The following MEMO1 variants were observed in gnomAD, a reference collection of about 807,000 sequenced individuals.
MEMO1 encodes the protein protein MEMO1.
Under a neutral mutation model 45.2 loss-of-function variants are expected in MEMO1, and 6 were observed. The ratio of observed to expected loss-of-function variants is 0.13; its 90% confidence interval spans 0.07 to 0.26. The LOEUF (loss-of-function observed/expected upper bound fraction) is 0.26. Ranked by LOEUF, MEMO1 falls within the 10% of genes least tolerant of loss-of-function variation. The probability of loss-of-function intolerance (pLI) is 1.00; values close to 1 mark genes in which losing one functional copy is unlikely to be tolerated. For synonymous variants in MEMO1, 78 were observed against 124.3 expected (o/e 0.63, Z 2.48); for missense variants, 184 against 370.5 (o/e 0.50, Z 4.13).
chr2:31,952,064 C>T (rs1572788575), intron 2 of MEMO1, among the ~76,000 whole-genome samples: 1 of 152,116 alleles, frequency 6.6e-6, no homozygotes, highest in Non-Finnish European at 1.5e-5. Context: ...AGTGCAAGAA[C>T]TGTCACAGCA....
At chr2:31,988,147 G>A (rs1671498522) in intron 2 of MEMO1, among the ~76,000 whole-genome samples, 1 of 152,090 alleles carries the variant, frequency 6.6e-6, no homozygotes, top group Non-Finnish European at 1.5e-5. Flanking sequence ...CATACCAGAA[G>A]TCTGCAGGAC....
intron 2 of MEMO1, among the ~76,000 whole-genome samples, chr2:31,988,931 G>A (rs759070579): frequency 6.6e-6 from 1 of 152,118 alleles, no homozygotes; most frequent in Non-Finnish European, 1.5e-5. Context: ...GGGCAGCCAG[G>A]CATGGTGGCT....
intron 6 of MEMO1, among the ~76,000 whole-genome samples, chr2:31,912,545 G>C (rs1180372960): frequency 2.8e-5 from 4 of 143,452 alleles, no homozygotes; most frequent in Non-Finnish European, 6.1e-5. Context: ...AATTATAATA[G>C]TAAAATTTAT....
At chr2:31,985,748 C>T (rs994775469) in intron 2 of MEMO1, among the ~76,000 whole-genome samples, 1 of 152,210 alleles carries the variant, frequency 6.6e-6, no homozygotes, top group African/African-American at 2.4e-5. Flanking sequence ...CAATTTTATA[C>T]ACCAGAAGTC....
chr2:31,910,882 G>C (rs1228036313), intron 6 of MEMO1, among the ~76,000 whole-genome samples: 1 of 151,846 alleles, frequency 6.6e-6, no homozygotes, highest in Non-Finnish European at 1.5e-5. Context: ...AATAAAGAAA[G>C]TTGTAAATTA....
chr2:31,890,588 C>G lies in MEMO1; in HGVS notation c.580+1404G>C, dbSNP rs566097362. Among the ~76,000 whole-genome samples the G allele has an allele frequency of 1.5e-4, 23 of 151,942 alleles. 2 individuals are homozygous for G. In the South Asian group the frequency reaches 4.6e-3, roughly 30 times the overall value. Reference sequence around the variant, plus strand: ...CCAATAAAATCAGTAATTAAAGAACCCTGAATATTAAAAACAGATTTAAAA... The same window carrying G: ...CCAATAAAATCAGTAATTAAAGAACGCTGAATATTAAAAACAGATTTAAAA... On this transcript the variant is annotated intron_variant, in intron 7 of 9. Transcript: ENST00000404530.
chr2:31,931,581 G>T (rs1221390913), intron 4 of MEMO1, among the ~76,000 whole-genome samples: 1 of 151,718 alleles, frequency 6.6e-6, no homozygotes, highest in Non-Finnish European at 1.5e-5. Flanking sequence ...TTTCAGAGCT[G>T]TCATTGAATT....
intron 2 of MEMO1, among the ~76,000 whole-genome samples, chr2:31,968,593 C>A (rs1280940761): frequency 2.6e-5 from 4 of 152,154 alleles, no homozygotes; most frequent in Non-Finnish European, 5.9e-5. Context: ...CAAGAAGTGT[C>A]AGATTAATTA....
At chr2:31,897,123 T>C (rs567311387) in intron 6 of MEMO1, among the ~76,000 whole-genome samples, 12 of 152,350 alleles carry the variant, frequency 7.9e-5, no homozygotes, top group African/African-American at 2.9e-4. Flanking sequence ...GATTTTAGGC[T>C]GAGACAATGG....
intron 2 of MEMO1, among the ~76,000 whole-genome samples, chr2:31,982,732 G>A (rs1194077600): frequency 6.6e-6 from 1 of 151,766 alleles, no homozygotes; most frequent in Non-Finnish European, 1.5e-5. Context: ...TGGTAAATTT[G>A]TTTCAAACAG....
intron 2 of MEMO1, among the ~76,000 whole-genome samples, chr2:31,959,390 G>A (rs957415373): frequency 2.0e-5 from 3 of 151,864 alleles, no homozygotes; most frequent in Non-Finnish European, 4.4e-5. Context: ...GAAAAGAGGT[G>A]CAGCTCAAGA....
intron 3 of MEMO1, among the ~76,000 whole-genome samples, chr2:31,933,346 A>ATATATATATATATATATAT (rs869211483): frequency 7.8e-5 from 2 of 25,518 alleles, no homozygotes; most frequent in African/African-American, 3.2e-4. Context: ...AAAAAAAAAA[A>ATATATATATATATATATAT]AAATTTATAT....
chr2:31,913,521 T>TG (rs945500400), intron 6 of MEMO1, among the ~76,000 whole-genome samples: 16 of 150,942 alleles, frequency 1.1e-4, no homozygotes, highest in African/African-American at 3.9e-4. Flanking sequence ...TTAAGAGTTT[T>TG]TTTTTTTTTT....
rs1386710458 is a variant in MEMO1 at position 31,933,370 on chromosome 2, TATATATATATATAG to T, written c.144-1249_144-1236del. Reference sequence around the variant, plus strand: ...AAAAATTTATATATATATATATATATATATATATATATAGAAAGGGGAAGAGAGGGGAAAAAGAG... The same window carrying T: ...AAAAATTTATATATATATATATATATAAAGGGGAAGAGAGGGGAAAAAGAG... On this transcript the variant is annotated intron_variant, in intron 3 of 9. Coordinates refer to ENST00000404530, the MANE Select transcript of MEMO1 (RefSeq NM_001301833.4). Among the ~76,000 whole-genome samples the T allele has an allele frequency of 9.4e-5, 9 of 95,664 alleles. 1 individual carries two copies. The South Asian group carries it at 3.5e-3, about 37-fold the overall frequency. 62.8% of individuals were successfully genotyped at this position (95,664 alleles called of 152,430 possible).
chr2:31,920,356 TAATTA>T (rs1465611632), intron 5 of MEMO1, among the ~76,000 whole-genome samples: 1 of 152,282 alleles, frequency 6.6e-6, no homozygotes, highest in East Asian at 1.9e-4. Context: ...CAGAGTTTCA[TAATTA>T]AAGGCTCATT....
chr2:31,959,754 A>G (rs1286351272), intron 2 of MEMO1, among the ~76,000 whole-genome samples: 2 of 144,214 alleles, frequency 1.4e-5, no homozygotes, highest in Non-Finnish European at 3.0e-5. Flanking sequence ...CATTTACCTT[A>G]TGAAACACAA....
chr2:32,004,502 A>C (rs545945648), intron 2 of MEMO1, among the ~76,000 whole-genome samples: 3 of 152,308 alleles, frequency 2.0e-5, no homozygotes, highest in Non-Finnish European at 2.9e-5. Flanking sequence ...CAGAATAACT[A>C]AAAATAAAAA....
chr2:31,957,432 T>C (rs922132639), intron 2 of MEMO1, among the ~76,000 whole-genome samples: 1 of 152,234 alleles, frequency 6.6e-6, no homozygotes, highest in Non-Finnish European at 1.5e-5. Context: ...AGATAATAGC[T>C]ACATTAACAA....
At chr2:31,926,699 T>C (rs993848565) in intron 4 of MEMO1, among the ~76,000 whole-genome samples, 4 of 151,726 alleles carry the variant, frequency 2.6e-5, no homozygotes, top group Non-Finnish European at 4.4e-5. Context: ...ATACAAAAAT[T>C]AGCAGGGCGT....
Sources: allele counts gnomAD v4.1 joint callset (sites outside exome capture counted in the v4.1 genomes callset), GRCh38; gene constraint gnomAD v4.1.1; transcripts MANE v1.5; gene names NCBI Gene and HGNC (gene_info 2026-07-23, HGNC 2026-07-21).